UTS2B: variants seen among roughly 807,000 people sequenced by gnomAD.
The protein encoded by UTS2B is urotensin-2B.
UTS2B carries 21 observed loss-of-function variants against 19.2 expected under a neutral mutation model. The ratio of observed to expected loss-of-function variants is 1.09; its 90% CI spans 0.78 to 1.58. The LOEUF (loss-of-function observed/expected upper bound fraction) is 1.58. Among genes scored for constraint, UTS2B ranks in the 40% most tolerant of loss-of-function variants. UTS2B has a pLI of 0.00. For synonymous variants in UTS2B, 57 were observed against 50.2 expected (o/e 1.14, Z -0.58); for missense variants, 138 against 130.3 (o/e 1.06, Z -0.29).
intron 1 of UTS2B, chr3:191,329,307 G>C (rs894562785): frequency 4.5e-6 from 1 of 222,178 alleles, no homozygotes; most frequent in East Asian, 1.1e-4. Flanking sequence ...TCGCAATTGC[G>C]GTTACAGACC....
intron 4 of UTS2B, among the ~76,000 whole-genome samples, chr3:191,283,887 T>C (rs1013270072): frequency 2.6e-5 from 4 of 152,210 alleles, no homozygotes; most frequent in Non-Finnish European, 4.4e-5. Flanking sequence ...ATATCTGTCC[T>C]TATTTATTTA....
chr3:191,342,261 C>G, the UTS2B span, among the ~76,000 whole-genome samples: 15 of 152,122 alleles, frequency 9.9e-5, no homozygotes, highest in Non-Finnish European at 2.2e-4. Context: ...TTTGTGAGAG[C>G]AAGATTTTAA....
chr3:191,303,286 A>G (rs1261558219), intron 4 of UTS2B, among the ~76,000 whole-genome samples: 1 of 137,788 alleles, frequency 7.3e-6, no homozygotes, highest in Non-Finnish European at 1.7e-5. Context: ...TCTCTTGTTA[A>G]TATATCTGCT....
At chr3:191,284,433 T>C (rs1170879913) in intron 4 of UTS2B, among the ~76,000 whole-genome samples, 1 of 151,906 alleles carries the variant, frequency 6.6e-6, no homozygotes, top group Non-Finnish European at 1.5e-5. Flanking sequence ...TCGATTCCCC[T>C]GCCTCAGCCT....
At chr3:191,329,557 GC>G in intron 1 of UTS2B, 1 of 986,222 alleles carries the variant, frequency 1.0e-6, no homozygotes, top group Non-Finnish European at 1.4e-6. Flanking sequence ...CGGCCTGCGA[GC>G]CCTGCCGGCC....
chr3:191,275,546 A>G (rs575039941), intron 7 of UTS2B, among the ~76,000 whole-genome samples: 10 of 152,086 alleles, frequency 6.6e-5, no homozygotes, highest in Non-Finnish European at 7.4e-5. Context: ...TGGGCGTGGT[A>G]GCAGGCACCT....
At chr3:191,344,897 T>G in the UTS2B span, among the ~76,000 whole-genome samples, 1 of 152,164 alleles carries the variant, frequency 6.6e-6, no homozygotes, top group African/African-American at 2.4e-5. Flanking sequence ...AATTCTAATA[T>G]ATGTCCCATT....
At chr3:191,339,475 GCTGCCC>G in the UTS2B span, among the ~76,000 whole-genome samples, 2 of 152,248 alleles carry the variant, frequency 1.3e-5, no homozygotes, top group Admixed American at 1.3e-4. Context: ...CTAGATACAG[GCTGCCC>G]CTGATTTTCT....
chr3:191,284,244 A>C (rs1306100954), intron 4 of UTS2B, among the ~76,000 whole-genome samples: 2 of 152,228 alleles, frequency 1.3e-5, no homozygotes, highest in Non-Finnish European at 2.9e-5. Flanking sequence ...TCCAATTCTC[A>C]TGGGTAAGAA....
At chr3:191,283,334 T>C (rs1297619331) in intron 4 of UTS2B, among the ~76,000 whole-genome samples, 1 of 152,220 alleles carries the variant, frequency 6.6e-6, no homozygotes, top group African/African-American at 2.4e-5. Flanking sequence ...CCTAGAATCC[T>C]TTATTCTACA....
chr3:191,301,563 T>C (rs563506876), intron 4 of UTS2B, among the ~76,000 whole-genome samples: 1 of 148,268 alleles, frequency 6.7e-6, no homozygotes, highest in Non-Finnish European at 1.5e-5. Context: ...CTCGGCTTGC[T>C]GCAAGCTCCG....
At chr3:191,298,389 G>A (rs1052299674) in intron 4 of UTS2B, among the ~76,000 whole-genome samples, 1 of 152,144 alleles carries the variant, frequency 6.6e-6, no homozygotes, top group African/African-American at 2.4e-5. Flanking sequence ...TCTCATGACA[G>A]TGGGTGATTT....
intron 3 of UTS2B, among the ~76,000 whole-genome samples, chr3:191,315,613 T>C (rs1717426752): frequency 6.6e-6 from 1 of 152,216 alleles, no homozygotes. Context: ...ATTGTTATTG[T>C]GGTGTGAGGG....
intron 4 of UTS2B, among the ~76,000 whole-genome samples, chr3:191,302,440 C>T (rs1364802434): frequency 6.6e-6 from 1 of 152,204 alleles, no homozygotes; most frequent in Non-Finnish European, 1.5e-5. Flanking sequence ...AGTAGCCATA[C>T]TTGTATTCCT....
At chr3:191,283,497 A>C (rs1716447750) in intron 4 of UTS2B, among the ~76,000 whole-genome samples, 2 of 152,162 alleles carry the variant, frequency 1.3e-5, no homozygotes, top group African/African-American at 4.8e-5. Context: ...CTACAGTTCA[A>C]AATTCATTTC....
intron 4 of UTS2B, among the ~76,000 whole-genome samples, chr3:191,303,247 T>C (rs779664742): frequency 6.6e-6 from 1 of 152,224 alleles, no homozygotes; most frequent in Non-Finnish European, 1.5e-5. Flanking sequence ...CCCACGTGCA[T>C]ATCCACATAA....
the UTS2B span, among the ~76,000 whole-genome samples, chr3:191,339,964 A>C: frequency 2.0e-5 from 3 of 152,228 alleles, no homozygotes; most frequent in Non-Finnish European, 2.9e-5. Context: ...TGAAGAAAGC[A>C]ATATTTGGTG....
chr3:191,311,526 C>T (rs1717301031), intron 3 of UTS2B, among the ~76,000 whole-genome samples: 1 of 152,182 alleles, frequency 6.6e-6, no homozygotes, highest in Non-Finnish European at 1.5e-5. Flanking sequence ...GATTGACACT[C>T]CTGTATTTCT....
At chr3:191,339,163 G>A in the UTS2B span, among the ~76,000 whole-genome samples, 1 of 152,150 alleles carries the variant, frequency 6.6e-6, no homozygotes, top group Non-Finnish European at 1.5e-5. Context: ...ACTTGTCATG[G>A]TTTATATTGA....
Sources: allele counts gnomAD v4.1 joint callset (sites outside exome capture counted in the v4.1 genomes callset), GRCh38; gene constraint gnomAD v4.1.1; transcripts MANE v1.5; gene names NCBI Gene and HGNC (gene_info 2026-07-23, HGNC 2026-07-21).